Variants in MYO9A observed in about 807,000 individuals in gnomAD.
The protein encoded by MYO9A is unconventional myosin-IXa.
MYO9A carries 103 observed loss-of-function variants against 293.3 expected under a neutral mutation model. The ratio of observed to expected loss-of-function variants is 0.35; its 90% confidence interval spans 0.30 to 0.41. The LOEUF is 0.41. Among genes scored for constraint, MYO9A ranks in the 10% least tolerant of loss-of-function variants. The pLI, the probability that MYO9A is intolerant of heterozygous loss-of-function variation, is 1.00. For synonymous variants in MYO9A, 1,001 were observed against 1,035.7 expected (o/e 0.97, Z 0.64); for missense variants, 2,685 against 3,033.0 (o/e 0.89, Z 2.69).
At chr15:71,845,591 G>C (rs572541670) in intron 39 of MYO9A, among the ~76,000 whole-genome samples, 1 of 152,136 alleles carries the variant, frequency 6.6e-6, no homozygotes. Flanking sequence ...AGCAATTGTG[G>C]GTTCAACTGC....
chr15:72,091,641 T>C (rs913743913), intron 1 of MYO9A, among the ~76,000 whole-genome samples: 4 of 152,100 alleles, frequency 2.6e-5, no homozygotes, highest in South Asian at 2.1e-4. Flanking sequence ...TCCAATAACA[T>C]GGCCAATTAC....
rs2058617874 is a variant in MYO9A, at chr15:71,935,554, T to C, written c.2379-70A>G. The C allele has an allele frequency of 4.4e-6, 6 of 1,375,454 alleles. No homozygotes were observed. The South Asian group carries it at 7.8e-5, about 18-fold the overall frequency. The allele number at this position is 1,375,454 out of a possible 1,614,324, so 85.2% of individuals were successfully genotyped here. ...CACTATACTGCTTAAATAAGTAAAA[T>C]AAAACTTTAAATACTAAAGTTAAAA... On this transcript the variant is annotated intron_variant, in intron 16 of 41. Transcript: ENST00000356056.
At chr15:72,045,629 C>A in intron 2 of MYO9A, 95 bp downstream of exon 2, 2 of 1,331,112 alleles carry the variant, frequency 1.5e-6, no homozygotes, top group South Asian at 1.6e-5. Flanking sequence ...CACACATCGA[C>A]CTGGTATTGC....
At chr15:72,100,925 G>A (rs1445698719) in intron 1 of MYO9A, among the ~76,000 whole-genome samples, 10 of 136,292 alleles carry the variant, frequency 7.3e-5, no homozygotes, top group African/African-American at 2.7e-4. Flanking sequence ...AGGTGGGGGG[G>A]GTCAGCCCCC....
rs2054336328 is a variant in MYO9A, at chr15:71,823,098, A to C, written c.*3482T>G. ...GCCCCGCATCCAGCTTCCCACCAAG[A>C]AGAAAAAAGAGAGGAGGATGAGGAA... On this transcript the variant is annotated 3_prime_UTR_variant, in exon 42 of 42. Transcript: ENST00000356056. 6.6e-6 allele frequency: 1 copy of C among 152,112 alleles called. No individual in the cohort carries two copies. Among genetic ancestry groups the C allele is most frequent in the Non-Finnish European group, 1.5e-5 (1 of 68,038 alleles). 9.4% of individuals were successfully genotyped at this position (152,112 alleles called of 1,614,324 possible).
chr15:71,860,969 C>CAAAAAAAAAAAAAAAAAAAAAAAAAA (rs61030744), intron 33 of MYO9A, among the ~76,000 whole-genome samples: 24 of 32,418 alleles, frequency 7.4e-4, no homozygotes, highest in East Asian at 1.0e-3. Context: ...TCCATCTCAC[C>CAAAAAAAAAAAAAAAAAAAAAAAAAA]AAAAAAAAAA....
chr15:71,973,288 A>T (rs555367362), intron 12 of MYO9A, among the ~76,000 whole-genome samples: 3 of 152,208 alleles, frequency 2.0e-5, no homozygotes, highest in Non-Finnish European at 2.9e-5. Context: ...ACTTCTGACC[A>T]ACCAGCTTCT....
At chr15:71,981,049 G>A (rs1296837136) in intron 11 of MYO9A, among the ~76,000 whole-genome samples, 6 of 151,812 alleles carry the variant, frequency 4.0e-5, no homozygotes, top group East Asian at 1.9e-4. Context: ...TATATATCTC[G>A]AGATAACTGT....
intron 1 of MYO9A, among the ~76,000 whole-genome samples, chr15:72,095,908 C>T (rs986615310): frequency 5.9e-5 from 9 of 151,962 alleles, no homozygotes; most frequent in African/African-American, 1.4e-4. Context: ...GGTGAAACCT[C>T]GTCTTTATAA....
intron 13 of MYO9A, among the ~76,000 whole-genome samples, chr15:71,961,582 G>C (rs373632904): frequency 1.4e-3 from 215 of 152,276 alleles, no homozygotes; most frequent in African/African-American, 4.6e-3. Context: ...TGAGAAAACT[G>C]AATCAGAGAG....
rs1298682778 is a variant in MYO9A, at chr15:71,897,453, T to G, written c.5042+8A>C. The G allele has an allele frequency of 1.9e-6, 3 of 1,583,166 alleles. No individual in the cohort carries two copies. The highest frequency in any genetic ancestry group is 2.6e-6 in the Non-Finnish European group (3 of 1,163,524). On this transcript the variant is annotated splice_region_variant and intron_variant, in intron 25 of 41. Coordinates refer to ENST00000356056, the MANE Select transcript of MYO9A (RefSeq NM_006901.4). ...TCCCATTTATACATAAATAAACATT[T>G]CACTTACAGGGGAATACTCATATTG...
At chr15:72,084,083 C>T (rs1311993406) in intron 1 of MYO9A, among the ~76,000 whole-genome samples, 1 of 152,164 alleles carries the variant, frequency 6.6e-6, no homozygotes, top group Non-Finnish European at 1.5e-5. Context: ...CTAATACTGT[C>T]AGTGGGGTGT....
intron 6 of MYO9A, 113 bp downstream of exon 6, chr15:72,018,926 C>G (rs1377192955): frequency 5.0e-6 from 4 of 798,630 alleles, no homozygotes; most frequent in Non-Finnish European, 8.6e-6. Flanking sequence ...ATCTTCCTTC[C>G]TAGGATTCTT....
intron 20 of MYO9A, among the ~76,000 whole-genome samples, 180 bp from the exon 21 acceptor site, chr15:71,904,219 C>T (rs1229379448): frequency 6.6e-6 from 1 of 152,184 alleles, no homozygotes; most frequent in African/African-American, 2.4e-5. Flanking sequence ...CAGAAAAGTT[C>T]TGACTGCCCA....
chr15:71,955,743 A>G (rs1456504767), intron 14 of MYO9A, among the ~76,000 whole-genome samples: 1 of 152,234 alleles, frequency 6.6e-6, no homozygotes, highest in Non-Finnish European at 1.5e-5. Context: ...TGCTTTTAGT[A>G]TAATTCATGA....
At chr15:72,026,840 C>A (rs538362985) in intron 4 of MYO9A, among the ~76,000 whole-genome samples, 5 of 152,156 alleles carry the variant, frequency 3.3e-5, no homozygotes, top group Admixed American at 3.3e-4. Context: ...AATTAGATAA[C>A]CTAGATGAAA....
chr15:71,967,965 C>A lies in MYO9A; in HGVS notation c.1986+19G>T. The A allele has an allele frequency of 6.3e-7, 1 of 1,594,820 alleles. No individual in the cohort carries two copies. The highest frequency in any genetic ancestry group is 8.5e-7 in the Non-Finnish European group (1 of 1,170,394). On this transcript the variant is annotated intron_variant, in intron 13 of 41. Coordinates refer to ENST00000356056, the MANE Select transcript of MYO9A (RefSeq NM_006901.4). ...CACATCTCTGCCCTGTAAGCATATT[C>A]AGTGAGAAATTTACTGACCTTTACC...
chr15:71,937,994 T>G (rs939992765), intron 16 of MYO9A, among the ~76,000 whole-genome samples: 1 of 152,142 alleles, frequency 6.6e-6, no homozygotes, highest in African/African-American at 2.4e-5. Flanking sequence ...AATATAAAGA[T>G]AGCAAATAGC....
At chr15:71,956,059 C>G (rs1180360850) in intron 14 of MYO9A, among the ~76,000 whole-genome samples, 2 of 149,572 alleles carry the variant, frequency 1.3e-5, no homozygotes, top group Non-Finnish European at 3.0e-5. Context: ...CCCAGACACT[C>G]GGGGGGAGGC....
Sources: allele counts gnomAD v4.1 joint callset (sites outside exome capture counted in the v4.1 genomes callset), GRCh38; gene constraint gnomAD v4.1.1; transcripts MANE v1.5; gene names NCBI Gene and HGNC (gene_info 2026-07-23, HGNC 2026-07-21).